GAB2: variants seen among roughly 807,000 people sequenced by gnomAD.
GAB2 encodes GRB2 associated binding protein 2.
GAB2 carries 26 observed loss-of-function variants against 65.5 expected under a neutral mutation model. That is an observed-to-expected ratio of 0.40 (90% CI 0.29 to 0.55). The LOEUF is 0.55. Among genes scored for constraint, GAB2 ranks in the 20% least tolerant of loss-of-function variants. GAB2 has a pLI of 0.53. For synonymous variants in GAB2, 321 were observed against 329.6 expected, an observed-to-expected ratio of 0.97 and a Z score of 0.28; for missense variants, 884 against 875.8, an observed-to-expected ratio of 1.01 and a Z score of -0.12.
chr11:78,410,584 A>G (rs146752470), intron 1 of GAB2, among the ~76,000 whole-genome samples: 2 of 152,340 alleles, frequency 1.3e-5, no homozygotes, highest in Non-Finnish European at 2.9e-5. Context: ...TGGACCCACT[A>G]CAGACCCTGC....
At chr11:78,272,147 CA>C (rs1471208253) in intron 2 of GAB2, among the ~76,000 whole-genome samples, 3 of 152,112 alleles carry the variant, frequency 2.0e-5, no homozygotes, top group African/African-American at 7.2e-5. Flanking sequence ...TCTTTATCAG[CA>C]GTGTGAAAAT....
intron 2 of GAB2, among the ~76,000 whole-genome samples, chr11:78,267,912 C>G (rs960262073): frequency 2.1e-5 from 3 of 141,500 alleles, no homozygotes; most frequent in African/African-American, 7.9e-5. Context: ...GTCTTAAAAT[C>G]TGATTACATT....
rs867020309 is a variant in GAB2, at chr11:78,311,211, C to G, written c.76-30310G>C. On this transcript the variant is annotated intron_variant, in intron 1 of 9. Transcript: ENST00000361507. ...AAATGAAAGTAAGTTTTTTCTTCCC[C>G]CCATATTTACTGAACACTTATTAGG... Among the ~76,000 whole-genome samples, 11 of 152,132 alleles carry G rather than the reference C, an allele frequency of 7.2e-5. No individual in the cohort carries two copies. In the South Asian group the frequency reaches 1.5e-3, roughly 20 times the overall value.
At chr11:78,338,168 C>T (rs1165737996) in intron 1 of GAB2, among the ~76,000 whole-genome samples, 1 of 152,228 alleles carries the variant, frequency 6.6e-6, no homozygotes, top group East Asian at 1.9e-4. Context: ...ATGTTCAATT[C>T]AATGCCAGAC....
At chr11:78,259,983 T>C (rs376563485) in intron 2 of GAB2, among the ~76,000 whole-genome samples, 1 of 152,226 alleles carries the variant, frequency 6.6e-6, no homozygotes, top group Non-Finnish European at 1.5e-5. Flanking sequence ...AGATCTGTTA[T>C]TTGTTTTGAG....
At chr11:78,282,153 A>G (rs567852083) in intron 1 of GAB2, among the ~76,000 whole-genome samples, 4 of 152,310 alleles carry the variant, frequency 2.6e-5, no homozygotes, top group African/African-American at 9.6e-5. Flanking sequence ...ATTCCATACC[A>G]CAGAATTGAA....
intron 2 of GAB2, among the ~76,000 whole-genome samples, chr11:78,279,421 T>C (rs1270951829): frequency 6.6e-6 from 1 of 152,152 alleles, no homozygotes; most frequent in Non-Finnish European, 1.5e-5. Flanking sequence ...ACCTGGCTGG[T>C]CCTCAGAATC....
intron 1 of GAB2, among the ~76,000 whole-genome samples, chr11:78,363,221 G>A (rs921940169): frequency 1.3e-5 from 2 of 152,200 alleles, no homozygotes; most frequent in African/African-American, 2.4e-5. Context: ...GAAATGAGAA[G>A]TTACACATGA....
At chr11:78,409,915 T>C (rs1405571843) in intron 1 of GAB2, among the ~76,000 whole-genome samples, 3 of 152,054 alleles carry the variant, frequency 2.0e-5, no homozygotes, top group African/African-American at 7.2e-5. Context: ...TGAAATCAAA[T>C]AGAACTTACT....
chr11:78,263,654 AT>A (rs1865797607), intron 2 of GAB2, among the ~76,000 whole-genome samples: 1 of 150,902 alleles, frequency 6.6e-6, no homozygotes, highest in African/African-American at 2.4e-5. Context: ...AAAAAAAAAA[AT>A]CAACAGTCTA....
chr11:78,411,345 A>G (rs1211495457), intron 1 of GAB2, among the ~76,000 whole-genome samples: 14 of 152,192 alleles, frequency 9.2e-5, no homozygotes, highest in African/African-American at 3.4e-4. Flanking sequence ...TTTTTGCATA[A>G]ACAAGATTAT....
At chr11:78,311,291 T>G (rs1264009646) in intron 1 of GAB2, among the ~76,000 whole-genome samples, 2 of 152,198 alleles carry the variant, frequency 1.3e-5, no homozygotes, top group Admixed American at 1.3e-4. Context: ...ACTTAAGAGC[T>G]GCATAAAAAT....
At chr11:78,351,552 T>A (rs560504987) in intron 1 of GAB2, among the ~76,000 whole-genome samples, 2 of 152,186 alleles carry the variant, frequency 1.3e-5, no homozygotes, top group South Asian at 4.1e-4. Context: ...AGGGGTGGTA[T>A]GAGCTTTCGT....
chr11:78,271,984 T>C (rs920672530), intron 2 of GAB2, among the ~76,000 whole-genome samples: 2 of 152,222 alleles, frequency 1.3e-5, no homozygotes, highest in Non-Finnish European at 2.9e-5. Flanking sequence ...CTGCACAAGC[T>C]CTCTCTCTTG....
intron 1 of GAB2, among the ~76,000 whole-genome samples, chr11:78,300,138 G>A (rs1479450655): frequency 2.0e-5 from 3 of 152,070 alleles, no homozygotes; most frequent in Non-Finnish European, 4.4e-5. Context: ...CTGGTGCCAG[G>A]CAAACACTGA....
At chr11:78,301,293 T>A in intron 1 of GAB2, among the ~76,000 whole-genome samples, 1 of 152,032 alleles carries the variant, frequency 6.6e-6, no homozygotes, top group East Asian at 1.9e-4. Flanking sequence ...TGACAAATAA[T>A]AATTATACAT....
At chr11:78,266,632 G>A (rs994892298) in intron 2 of GAB2, among the ~76,000 whole-genome samples, 2 of 152,140 alleles carry the variant, frequency 1.3e-5, no homozygotes, top group Admixed American at 1.3e-4. Flanking sequence ...ATCTTGGCAC[G>A]GAGCCAGGCA....
At chr11:78,300,367 G>A (rs918096209) in intron 1 of GAB2, among the ~76,000 whole-genome samples, 1 of 151,856 alleles carries the variant, frequency 6.6e-6, no homozygotes, top group Non-Finnish European at 1.5e-5. Context: ...TAATAAATAA[G>A]GTTGTTTCCA....
At chr11:78,359,915 A>G (rs1280654460) in intron 1 of GAB2, among the ~76,000 whole-genome samples, 4 of 152,208 alleles carry the variant, frequency 2.6e-5, no homozygotes, top group Non-Finnish European at 4.4e-5. Flanking sequence ...AAGGTCTCAG[A>G]CCCTTAGGCC....
Sources: allele counts gnomAD v4.1 joint callset (sites outside exome capture counted in the v4.1 genomes callset), GRCh38; gene constraint gnomAD v4.1.1; transcripts MANE v1.5; gene names NCBI Gene and HGNC (gene_info 2026-07-23, HGNC 2026-07-21).